Variants in TRIM44 observed in about 807,000 individuals in gnomAD.
TRIM44 encodes the protein tripartite motif-containing protein 44.
Under a neutral mutation model 37.4 loss-of-function variants are expected in TRIM44, and 13 were observed. That is an observed-to-expected ratio of 0.35 (90% confidence interval 0.23 to 0.55). TRIM44 has a LOEUF of 0.55. TRIM44 is among the 20% of genes least tolerant of loss of function. The probability of loss-of-function intolerance (pLI) is 0.89; values close to 1 mark genes in which losing one functional copy is unlikely to be tolerated. For missense variants in TRIM44, 426 were observed against 437.2 expected, an observed-to-expected ratio of 0.97 and a Z score of 0.23; for synonymous variants, 175 against 157.2, an observed-to-expected ratio of 1.11 and a Z score of -0.85.
At chr11:35,773,897 G>C (rs1367364756) in intron 4 of TRIM44, among the ~76,000 whole-genome samples, 2 of 152,194 alleles carry the variant, frequency 1.3e-5, no homozygotes, top group African/African-American at 4.8e-5. Flanking sequence ...TTGGTTCCAA[G>C]TCTTTGCTAT....
At chr11:35,764,912 G>A (rs909257483) in intron 4 of TRIM44, among the ~76,000 whole-genome samples, 5 of 151,912 alleles carry the variant, frequency 3.3e-5, no homozygotes, top group African/African-American at 1.2e-4. Context: ...GATGAATGTT[G>A]TACTTAATTT....
At chr11:35,788,687 C>T (rs1450821107) in intron 4 of TRIM44, among the ~76,000 whole-genome samples, 1 of 152,152 alleles carries the variant, frequency 6.6e-6, no homozygotes, top group Non-Finnish European at 1.5e-5. Context: ...GTTGCTGGAC[C>T]CCTACAGTTA....
In TRIM44 at chr11:35,809,742, A is replaced by G. The variant is rs1853504525; in HGVS notation, c.*3357A>G. 6.6e-6 allele frequency: 1 copy of G among 152,142 alleles called. No homozygotes were observed. Among genetic ancestry groups the G allele is most frequent in the South Asian group, 2.1e-4 (1 of 4,822 alleles). 9.4% of individuals were successfully genotyped at this position (152,142 alleles called of 1,614,324 possible). A position where few individuals can be genotyped will look rare whatever the true frequency, so the allele number is the denominator to read the frequency against. Reference sequence around the variant, plus strand: ...AACTTAGCCGCCAGTGTACTCTGTGAGGATGTGGCAATTCAAAGTCCAGTG... The same window carrying G: ...AACTTAGCCGCCAGTGTACTCTGTGGGGATGTGGCAATTCAAAGTCCAGTG... On this transcript the variant is annotated 3_prime_UTR_variant, in exon 5 of 5. Coordinates refer to ENST00000299413, the MANE Select transcript of TRIM44 (RefSeq NM_017583.6).
At chr11:35,796,947 G>A (rs1853300635) in intron 4 of TRIM44, among the ~76,000 whole-genome samples, 1 of 152,138 alleles carries the variant, frequency 6.6e-6, no homozygotes, top group Non-Finnish European at 1.5e-5. Context: ...GGGGAAAATG[G>A]GCATTCCTGT....
chr11:35,728,585 G>C (rs930555259), intron 3 of TRIM44, among the ~76,000 whole-genome samples: 1 of 152,152 alleles, frequency 6.6e-6, no homozygotes, highest in African/African-American at 2.4e-5. Flanking sequence ...ATAGCCTCTT[G>C]TTCCAGTTAA....
intron 2 of TRIM44, among the ~76,000 whole-genome samples, chr11:35,686,709 A>G (rs1241703032): frequency 6.6e-6 from 1 of 152,012 alleles, no homozygotes; most frequent in African/African-American, 2.4e-5. Flanking sequence ...GGCACATGCC[A>G]CCACACCCAG....
chr11:35,726,931 G>A (rs1010050105), intron 3 of TRIM44, among the ~76,000 whole-genome samples: 4 of 151,952 alleles, frequency 2.6e-5, no homozygotes, highest in African/African-American at 4.8e-5. Flanking sequence ...AGGCTAGGGT[G>A]GAAGGATTGC....
At chr11:35,695,735 T>C (rs1564956466) in intron 2 of TRIM44, among the ~76,000 whole-genome samples, 1 of 152,110 alleles carries the variant, frequency 6.6e-6, no homozygotes, top group Non-Finnish European at 1.5e-5. Context: ...GACAAGGAAA[T>C]TTGGTTATTT....
chr11:35,710,007 A>G (rs140495791), intron 2 of TRIM44, among the ~76,000 whole-genome samples: 1 of 152,312 alleles, frequency 6.6e-6, no homozygotes, highest in African/African-American at 2.4e-5. Flanking sequence ...AGGTACAGAA[A>G]CAGCTGGATT....
At position 35,669,884 on chromosome 11, in the gene TRIM44, G is replaced by T. The variant is rs567410053; in HGVS notation, c.669+6104G>T. On this transcript the variant is annotated intron_variant, in intron 1 of 4. Coordinates refer to ENST00000299413, the MANE Select transcript of TRIM44 (RefSeq NM_017583.6). Reference sequence around the variant, plus strand: ...GTTGCCCAGGATGGAGTGCAGTAGCGTGATCTTGCTCACTGCAACCTCCGC... The same window carrying T: ...GTTGCCCAGGATGGAGTGCAGTAGCTTGATCTTGCTCACTGCAACCTCCGC... Among the ~76,000 whole-genome samples, 6 of 152,024 alleles carry T rather than the reference G, an allele frequency of 3.9e-5. No individual in the cohort carries two copies. The South Asian group carries it at 1.2e-3, about 32-fold the overall frequency.
chr11:35,808,093 A>C lies in TRIM44; in HGVS notation c.*1708A>C, dbSNP rs1303420369. On this transcript the variant is annotated 3_prime_UTR_variant, in exon 5 of 5. Coordinates refer to ENST00000299413, the MANE Select transcript of TRIM44 (RefSeq NM_017583.6). Reference sequence around the variant, plus strand: ...TTTTTCAGTCCTGTGAATGCTGTGAAAAGATTTATTCCTTTGAGGCCAGGA... The same window carrying C: ...TTTTTCAGTCCTGTGAATGCTGTGACAAGATTTATTCCTTTGAGGCCAGGA... The C allele has an allele frequency of 6.7e-6, 1 of 149,578 alleles. No individual in the cohort carries two copies. The highest frequency in any genetic ancestry group is 1.5e-5 in the Non-Finnish European group (1 of 67,468). 9.3% of individuals were successfully genotyped at this position (149,578 alleles called of 1,614,324 possible).
intron 2 of TRIM44, among the ~76,000 whole-genome samples, chr11:35,703,367 G>C (rs990133866): frequency 6.6e-6 from 1 of 152,232 alleles, no homozygotes; most frequent in Non-Finnish European, 1.5e-5. Flanking sequence ...AACCTCTGCA[G>C]ACTTAAATAT....
intron 1 of TRIM44, among the ~76,000 whole-genome samples, chr11:35,669,330 T>A (rs1476146822): frequency 6.6e-6 from 1 of 152,200 alleles, no homozygotes; most frequent in Non-Finnish European, 1.5e-5. Context: ...CCCCTCTCTG[T>A]TTTGTTAACC....
intron 4 of TRIM44, among the ~76,000 whole-genome samples, chr11:35,800,873 A>G (rs1349681466): frequency 1.3e-5 from 2 of 152,212 alleles, no homozygotes; most frequent in Non-Finnish European, 2.9e-5. Flanking sequence ...AGGCATCCTA[A>G]TTTCCCAGAT....
At chr11:35,797,470 T>C (rs551971932) in intron 4 of TRIM44, among the ~76,000 whole-genome samples, 37 of 152,206 alleles carry the variant, frequency 2.4e-4, no homozygotes, top group South Asian at 8.3e-4. Flanking sequence ...ACTGTGGGAA[T>C]GGGAAAAAAG....
chr11:35,707,029 A>C (rs1206170119), intron 2 of TRIM44, among the ~76,000 whole-genome samples: 3 of 152,338 alleles, frequency 2.0e-5, no homozygotes, highest in South Asian at 4.2e-4. Flanking sequence ...GTTTCAGCCC[A>C]AAATCTCCTT....
intron 1 of TRIM44, among the ~76,000 whole-genome samples, chr11:35,668,584 G>A (rs551439107): frequency 6.6e-6 from 1 of 152,310 alleles, no homozygotes; most frequent in South Asian, 2.1e-4. Context: ...CATGGTATAT[G>A]TACCACATTT....
At chr11:35,756,419 G>T (rs1330631955) in intron 4 of TRIM44, among the ~76,000 whole-genome samples, 1 of 151,998 alleles carries the variant, frequency 6.6e-6, no homozygotes, top group Non-Finnish European at 1.5e-5. Flanking sequence ...AGACGATGGG[G>T]TTTTCTAGAT....
intron 4 of TRIM44, among the ~76,000 whole-genome samples, chr11:35,783,571 C>T (rs1853092103): frequency 6.6e-6 from 1 of 152,174 alleles, no homozygotes; most frequent in Admixed American, 6.5e-5. Context: ...ATTTTCAGTG[C>T]TTCATTCTAA....
Sources: allele counts gnomAD v4.1 joint callset (sites outside exome capture counted in the v4.1 genomes callset), GRCh38; gene constraint gnomAD v4.1.1; transcripts MANE v1.5; gene names NCBI Gene and HGNC (gene_info 2026-07-23, HGNC 2026-07-21).